The following EBF1 variants were observed in gnomAD, a reference collection of about 807,000 sequenced individuals.
EBF1 encodes transcription factor COE1.
A neutral mutation model predicts 68.4 loss-of-function variants in EBF1; 10 were observed. The ratio of observed to expected loss-of-function variants is 0.15; its 90% confidence interval spans 0.09 to 0.25. EBF1 has a LOEUF of 0.25. Ranked by LOEUF, EBF1 falls within the 10% of genes least tolerant of loss-of-function variation. The probability of loss-of-function intolerance (pLI) is 1.00; values close to 1 mark genes in which losing one functional copy is unlikely to be tolerated. For missense variants in EBF1, 509 were observed against 794.4 expected, an observed-to-expected ratio of 0.64 and a Z score of 4.32; for synonymous variants, 298 against 299.8, an observed-to-expected ratio of 0.99 and a Z score of 0.06.
intron 9 of EBF1, among the ~76,000 whole-genome samples, chr5:158,779,396 A>G (rs1404523503): frequency 6.6e-6 from 1 of 152,186 alleles, no homozygotes; most frequent in African/African-American, 2.4e-5. Context: ...AATTGTTCAT[A>G]TAGAAGCTTT....
intron 10 of EBF1, among the ~76,000 whole-genome samples, chr5:158,737,030 C>A (rs1044697358): frequency 2.0e-5 from 3 of 152,116 alleles, no homozygotes; most frequent in African/African-American, 7.2e-5. Flanking sequence ...CCTAAGAAAC[C>A]CAACACCAAA....
chr5:158,850,932 G>C (rs2127995564), intron 6 of EBF1, among the ~76,000 whole-genome samples: 1 of 151,920 alleles, frequency 6.6e-6, no homozygotes, highest in East Asian at 1.9e-4. Flanking sequence ...ACTTGAACCT[G>C]GGAGGCAGAA....
chr5:159,090,242 TAAAAAAAAAAGAAAG>T (rs1437815426), intron 4 of EBF1, among the ~76,000 whole-genome samples: 1 of 126,370 alleles, frequency 7.9e-6, no homozygotes, highest in Non-Finnish European at 1.6e-5. Context: ...TGTTTGTCAT[TAAAAAAAAAAGAAAG>T]AAAAAAAAAA....
At chr5:159,040,296 A>G (rs1770928928) in intron 6 of EBF1, among the ~76,000 whole-genome samples, 1 of 152,196 alleles carries the variant, frequency 6.6e-6, no homozygotes, top group African/African-American at 2.4e-5. Context: ...ATGATTCTGC[A>G]AAGGCTTTTG....
At position 158,961,862 on chromosome 5, in the gene EBF1, T is replaced by A. The variant is rs113928297; in HGVS notation, c.554+111534A>T. Among the ~76,000 whole-genome samples the A allele has an allele frequency of 4.5e-3, 692 of 152,330 alleles. 3 individuals are homozygous for A. The highest frequency in any genetic ancestry group is 0.015 in the African/African-American group (627 of 41,574). ...GCTTCTGAGGGAAAGAGAGCGAATTTTTTTAGGAAGAGAGAAAAATGAAAT... is the reference window on the plus strand; with the variant it reads ...GCTTCTGAGGGAAAGAGAGCGAATTATTTTAGGAAGAGAGAAAAATGAAAT... On this transcript the variant is annotated intron_variant, in intron 6 of 15. Coordinates refer to ENST00000313708, the MANE Select transcript of EBF1 (RefSeq NM_024007.5).
intron 10 of EBF1, among the ~76,000 whole-genome samples, chr5:158,752,432 A>G (rs1488060860): frequency 6.6e-6 from 1 of 152,052 alleles, no homozygotes; most frequent in African/African-American, 2.4e-5. Flanking sequence ...GGAGATACCA[A>G]GACAGCAATG....
intron 6 of EBF1, among the ~76,000 whole-genome samples, chr5:159,060,323 C>A (rs1775555890): frequency 6.6e-6 from 1 of 152,104 alleles, no homozygotes; most frequent in African/African-American, 2.4e-5. Context: ...AAAAGCATGT[C>A]ATAATTTTTA....
intron 8 of EBF1, among the ~76,000 whole-genome samples, chr5:158,814,641 C>T (rs1049546390): frequency 6.6e-5 from 10 of 152,244 alleles, no homozygotes; most frequent in South Asian, 2.1e-4. Flanking sequence ...AGTATCCTAA[C>T]GGTTGTTTAA....
intron 10 of EBF1, among the ~76,000 whole-genome samples, chr5:158,734,105 A>C (rs1764679394): frequency 6.6e-6 from 1 of 152,214 alleles, no homozygotes; most frequent in Non-Finnish European, 1.5e-5. Flanking sequence ...TTACAGGAGC[A>C]TGTGTACAAT....
At chr5:159,060,130 TAAAC>T (rs1775522977) in intron 6 of EBF1, among the ~76,000 whole-genome samples, 1 of 152,170 alleles carries the variant, frequency 6.6e-6, no homozygotes, top group African/African-American at 2.4e-5. Context: ...AAGTACTTAG[TAAAC>T]AAACAAAATA....
intron 5 of EBF1, among the ~76,000 whole-genome samples, chr5:159,078,755 C>G (rs745963659): frequency 1.3e-5 from 2 of 152,154 alleles, no homozygotes; most frequent in African/African-American, 4.8e-5. Flanking sequence ...CACTACGGAC[C>G]GAAATCAGCA....
At chr5:158,844,713 C>A (rs747545731) in intron 6 of EBF1, among the ~76,000 whole-genome samples, 1 of 152,182 alleles carries the variant, frequency 6.6e-6, no homozygotes, top group Admixed American at 6.5e-5. Flanking sequence ...TGAATGCCTG[C>A]GCTCTTAAAC....
chr5:159,013,830 G>C (rs978538135), intron 6 of EBF1, among the ~76,000 whole-genome samples: 3 of 152,156 alleles, frequency 2.0e-5, no homozygotes, highest in African/African-American at 7.2e-5. Context: ...CCCAAGCAAA[G>C]GTGTTCAATT....
intron 6 of EBF1, among the ~76,000 whole-genome samples, chr5:158,947,247 A>C (rs576391731): frequency 6.6e-6 from 1 of 152,112 alleles, no homozygotes; most frequent in East Asian, 1.9e-4. Context: ...AAAAAAAAAA[A>C]ACTCCTGCAG....
rs371323618 is a variant in EBF1, at chr5:158,923,653, A to C, written c.555-83543T>G. 1.8e-3 allele frequency among the ~76,000 whole-genome samples: 280 copies of C among 152,310 alleles called. 1 individual carries two copies. The highest frequency in any genetic ancestry group is 6.6e-3 in the African/African-American group (274 of 41,566). On this transcript the variant is annotated intron_variant, in intron 6 of 15. Transcript: ENST00000313708. ...AAGGGATATACTATTAGTTTCCTTAAGTCTGCTCTAGAGGAAATAGCTTAA... is the reference window on the plus strand; with the variant it reads ...AAGGGATATACTATTAGTTTCCTTACGTCTGCTCTAGAGGAAATAGCTTAA...
intron 8 of EBF1, among the ~76,000 whole-genome samples, chr5:158,803,819 A>G (rs1781067736): frequency 6.6e-6 from 1 of 151,300 alleles, no homozygotes; most frequent in South Asian, 2.1e-4. Context: ...GCAGTTAAGC[A>G]TTTTATTGTT....
chr5:158,771,092 A>T (rs1195781056), intron 10 of EBF1, among the ~76,000 whole-genome samples: 26 of 152,180 alleles, frequency 1.7e-4, no homozygotes, highest in Admixed American at 1.5e-3. Context: ...AGGTATTTTT[A>T]TTCCTATTCT....
intron 6 of EBF1, among the ~76,000 whole-genome samples, chr5:159,000,261 C>G (rs186113053): frequency 3.3e-5 from 5 of 152,112 alleles, no homozygotes; most frequent in Non-Finnish European, 7.4e-5. Context: ...TTTTATTAAA[C>G]TTTTTTAAAT....
chr5:158,999,880 C>A (rs1055088997), intron 6 of EBF1, among the ~76,000 whole-genome samples: 1 of 152,186 alleles, frequency 6.6e-6, no homozygotes, highest in Non-Finnish European at 1.5e-5. Flanking sequence ...ACTTTTTCTG[C>A]TGTTTTGCTA....
Sources: allele counts gnomAD v4.1 joint callset (sites outside exome capture counted in the v4.1 genomes callset), GRCh38; gene constraint gnomAD v4.1.1; transcripts MANE v1.5; gene names NCBI Gene and HGNC (gene_info 2026-07-23, HGNC 2026-07-21).